AFF2: variants seen among roughly 807,000 people sequenced by gnomAD.
AFF2 encodes the protein AF4/FMR2 family member 2.
In AFF2, 14 loss-of-function variants were observed where a neutral mutation model predicts 76.9. The ratio of observed to expected loss-of-function variants is 0.18; its 90% CI spans 0.12 to 0.28. The LOEUF is 0.28. AFF2 is among the 10% of genes least tolerant of loss of function. The pLI, the probability that AFF2 is intolerant of heterozygous loss-of-function variation, is 1.00. For synonymous variants in AFF2, 398 were observed against 366.7 expected, an observed-to-expected ratio of 1.09 and a Z score of -0.98; for missense variants, 868 against 1,001.1, an observed-to-expected ratio of 0.87 and a Z score of 1.79.
intron 3 of AFF2, among the ~76,000 whole-genome samples, chrX:148,803,807 A>G (rs2070091651): frequency 9.0e-6 from 1 of 110,587 alleles, no homozygotes; most frequent in Non-Finnish European, 1.9e-5. Flanking sequence ...ATGTCCTCAT[A>G]ATGAAGCATG....
chrX:148,897,352 G>T (rs781963890), intron 8 of AFF2, among the ~76,000 whole-genome samples: 8 of 86,419 alleles, frequency 9.3e-5, no homozygotes, highest in African/African-American at 3.3e-4. Flanking sequence ...AATCCTTTTA[G>T]ATATATGTGA....
At chrX:148,798,955 C>T (rs1557270742) in intron 3 of AFF2, among the ~76,000 whole-genome samples, 7 of 111,582 alleles carry the variant, frequency 6.3e-5, no homozygotes, top group Non-Finnish European at 1.3e-4. Flanking sequence ...GTGCCATGCC[C>T]TTCCATGAGC....
chrX:148,669,482 T>G (rs781969750), intron 3 of AFF2, among the ~76,000 whole-genome samples: 3 of 111,990 alleles, frequency 2.7e-5, no homozygotes, highest in Non-Finnish European at 3.8e-5. Flanking sequence ...GACTTACAGT[T>G]CCATGTGGCT....
chrX:148,842,187 C>G (rs2070608419), intron 5 of AFF2, among the ~76,000 whole-genome samples: 1 of 112,186 alleles, frequency 8.9e-6, no homozygotes, highest in East Asian at 2.8e-4. Context: ...CTTCCATCCA[C>G]ACAGTGCCAT....
At chrX:148,607,530 C>T (rs1418978641) in intron 1 of AFF2, among the ~76,000 whole-genome samples, 1 of 111,527 alleles carries the variant, frequency 9.0e-6, no homozygotes, top group Non-Finnish European at 1.9e-5. Context: ...GAGGCCTCCC[C>T]AGCCATGTGG....
chrX:148,832,241 C>T (rs1252734511), intron 4 of AFF2, among the ~76,000 whole-genome samples: 1 of 112,167 alleles, frequency 8.9e-6, no homozygotes, highest in African/African-American at 3.2e-5. Flanking sequence ...GGAAGTCAGA[C>T]ACCAAGGTTA....
intron 19 of AFF2, among the ~76,000 whole-genome samples, chrX:148,983,953 C>CCAAAAAAAAAAAAAAAAAAA (rs2072427363): frequency 6.9e-5 from 2 of 29,124 alleles, no homozygotes; most frequent in Non-Finnish European, 1.2e-4. Context: ...GTGAAATAGA[C>CCAAAAAAAAAAAAAAAAAAA]AAAAAAAAAA....
chrX:148,761,460 TTTTTTTG>T (rs1480328114), intron 3 of AFF2, among the ~76,000 whole-genome samples: 1 of 90,732 alleles, frequency 1.1e-5, no homozygotes, highest in Non-Finnish European at 2.0e-5. Context: ...GTCCTCCAGT[TTTTTTTG>T]TTTTTTTTTT....
intron 3 of AFF2, among the ~76,000 whole-genome samples, chrX:148,740,525 C>T (rs1027655871): frequency 8.9e-6 from 1 of 112,002 alleles, no homozygotes; most frequent in Non-Finnish European, 1.9e-5. Flanking sequence ...TTTAAGCTAT[C>T]TATTTCCTTG....
chrX:148,611,101 A>T (rs781997554), intron 1 of AFF2, among the ~76,000 whole-genome samples: 38 of 112,093 alleles, frequency 3.4e-4, no homozygotes, highest in Non-Finnish European at 6.0e-4. Context: ...TTTATCAACT[A>T]TATGATGTGA....
At chrX:148,810,378 T>C (rs1239142864) in intron 4 of AFF2, among the ~76,000 whole-genome samples, 4 of 112,288 alleles carry the variant, frequency 3.6e-5, no homozygotes, top group Non-Finnish European at 5.6e-5. Flanking sequence ...AATGATGGCA[T>C]GTTGTGGAAA....
intron 8 of AFF2, among the ~76,000 whole-genome samples, chrX:148,889,078 G>A (rs782797395): frequency 1.8e-5 from 2 of 111,743 alleles, no homozygotes; most frequent in East Asian, 5.7e-4. Flanking sequence ...AAATTATCCA[G>A]GTGTAGTGAG....
chrX:148,536,076 G>A (rs957924097), intron 1 of AFF2, among the ~76,000 whole-genome samples: 2 of 109,661 alleles, frequency 1.8e-5, no homozygotes, highest in Admixed American at 9.8e-5. Flanking sequence ...AAAATTAGCC[G>A]GGCATGGTGG....
At chrX:148,646,354 A>T (rs1273085286) in intron 1 of AFF2, among the ~76,000 whole-genome samples, 1 of 111,812 alleles carries the variant, frequency 8.9e-6, no homozygotes, top group Non-Finnish European at 1.9e-5. Context: ...GAAAAGAAGC[A>T]AAGCAGGGGA....
At chrX:148,810,495 G>A (rs192884272) in intron 4 of AFF2, among the ~76,000 whole-genome samples, 235 of 112,497 alleles carry the variant, frequency 2.1e-3, no homozygotes, top group African/African-American at 7.2e-3. Context: ...ACCAAAAGAA[G>A]AAACCAAAGT....
At position 148,973,649 on chromosome X, in the gene AFF2, G is replaced by A. The variant is rs148574289; in HGVS notation, c.3404+42G>A. On this transcript the variant is annotated intron_variant, in intron 16 of 20. Transcript: ENST00000370460. ...CAATCATCTTCCTACACTCATTTCA[G>A]CTAGAATTAGAAGCTATGTTTTAAA... 1,592 of 1,132,708 alleles carry A rather than the reference G, an allele frequency of 1.4e-3. 17 individuals are homozygous for A. In the African/African-American group the frequency reaches 0.026, roughly 18 times the overall value. The allele number at this position is 1,132,708 out of a possible 1,213,427, so 93.3% of individuals were successfully genotyped here. A position where few individuals can be genotyped will look rare whatever the true frequency, so the allele number is the denominator to read the frequency against.
At chrX:148,748,977 A>G (rs1557266280) in intron 3 of AFF2, among the ~76,000 whole-genome samples, 1 of 111,944 alleles carries the variant, frequency 8.9e-6, no homozygotes, top group Admixed American at 9.5e-5. Flanking sequence ...TAGACAGCTC[A>G]TTAATTTCAT....
intron 3 of AFF2, among the ~76,000 whole-genome samples, chrX:148,700,419 AGTGTGTGTGTGTGT>A (rs368077947): frequency 1.0e-3 from 86 of 82,498 alleles, no homozygotes; most frequent in African/African-American, 1.7e-3. Flanking sequence ...GTACTGTTGA[AGTGTGTGTGTGTGT>A]GTGTGTGTGT....
intron 3 of AFF2, among the ~76,000 whole-genome samples, chrX:148,666,606 AAATAAAT>A (rs1484834770): frequency 9.2e-6 from 1 of 109,046 alleles, no homozygotes; most frequent in African/African-American, 3.3e-5. Context: ...ATAAATAAAT[AAATAAAT>A]AAATAAATAA....
Sources: gnomAD v4.1 joint callset for allele counts (sites outside exome capture counted in the v4.1 genomes callset) on GRCh38, gnomAD v4.1.1 for gene constraint, MANE v1.5 for transcripts, NCBI Gene and HGNC (gene_info 2026-07-23, HGNC 2026-07-21) for gene names.